SEMA3E: variants seen among roughly 807,000 people sequenced by gnomAD.
SEMA3E encodes the protein semaphorin-3E.
In SEMA3E, 49 loss-of-function variants were observed where a neutral mutation model predicts 93.6. The observed-to-expected ratio is 0.52, with a 90% CI of 0.42 to 0.66. The LOEUF (loss-of-function observed/expected upper bound fraction) is 0.66. Among genes scored for constraint, SEMA3E ranks in the 30% least tolerant of loss-of-function variants. SEMA3E has a pLI of 0.00. For missense variants in SEMA3E, 906 were observed against 964.8 expected, an observed-to-expected ratio of 0.94 and a Z score of 0.81; for synonymous variants, 363 against 330.7, an observed-to-expected ratio of 1.10 and a Z score of -1.06.
chr7:83,481,083 C>T (rs1036545069), intron 2 of SEMA3E, among the ~76,000 whole-genome samples: 2 of 151,990 alleles, frequency 1.3e-5, no homozygotes, highest in African/African-American at 2.4e-5. Flanking sequence ...CCATGAATGC[C>T]AATGGTTAGA....
chr7:83,629,119 T>C (rs1183262838), intron 1 of SEMA3E, among the ~76,000 whole-genome samples: 1 of 152,162 alleles, frequency 6.6e-6, no homozygotes, highest in Non-Finnish European at 1.5e-5. Context: ...CCTGTTTGCC[T>C]GGGTATCACC....
In SEMA3E at chr7:83,557,321, AT is replaced by A. The variant is rs368989787; in HGVS notation, c.116-67048del. 5.1e-4 allele frequency among the ~76,000 whole-genome samples: 78 copies of A among 151,584 alleles called. 3 individuals are homozygous for A. The South Asian group carries it at 0.016, about 31-fold the overall frequency. On this transcript the variant is annotated intron_variant, in intron 1 of 16. Transcript: ENST00000643230. ...ATATGAATCTATAAAAATATATAAAATAAAAATTATTACTATTATGCTTATT... is the reference window on the plus strand; with the variant it reads ...ATATGAATCTATAAAAATATATAAAAAAAAATTATTACTATTATGCTTATT...
intron 1 of SEMA3E, among the ~76,000 whole-genome samples, chr7:83,554,403 T>C (rs1488434224): frequency 6.6e-6 from 1 of 152,136 alleles, no homozygotes; most frequent in African/African-American, 2.4e-5. Flanking sequence ...CTCGTATTCC[T>C]CCAGGCCTTT....
chr7:83,504,980 T>C (rs775114570), intron 1 of SEMA3E, among the ~76,000 whole-genome samples: 18 of 152,050 alleles, frequency 1.2e-4, no homozygotes, highest in Non-Finnish European at 1.9e-4. Context: ...AATATTGACA[T>C]TTCTGGATCT....
chr7:83,482,744 G>A (rs1012434435), intron 2 of SEMA3E, among the ~76,000 whole-genome samples: 2 of 151,838 alleles, frequency 1.3e-5, no homozygotes, highest in Admixed American at 6.6e-5. Flanking sequence ...ACTGACAGCC[G>A]AACAGCCAAT....
chr7:83,565,213 C>A (rs1050454591), intron 1 of SEMA3E, among the ~76,000 whole-genome samples: 7 of 152,074 alleles, frequency 4.6e-5, no homozygotes, highest in African/African-American at 1.7e-4. Context: ...ACTATGCAGC[C>A]ATAAAAAACA....
intron 16 of SEMA3E, among the ~76,000 whole-genome samples, chr7:83,376,215 A>G (rs902363635): frequency 2.0e-5 from 3 of 152,080 alleles, no homozygotes; most frequent in Non-Finnish European, 4.4e-5. Context: ...AGTGTTGTGC[A>G]TAAAGATAAA....
At chr7:83,488,705 A>G (rs1790318798) in intron 2 of SEMA3E, among the ~76,000 whole-genome samples, 1 of 152,082 alleles carries the variant, frequency 6.6e-6, no homozygotes, top group Non-Finnish European at 1.5e-5. Flanking sequence ...TGAGAAACTG[A>G]AGTTCTATAT....
At chr7:83,575,810 T>A (rs951876647) in intron 1 of SEMA3E, among the ~76,000 whole-genome samples, 5 of 152,198 alleles carry the variant, frequency 3.3e-5, no homozygotes, top group African/African-American at 1.2e-4. Context: ...TACCAATTCA[T>A]AACTCCTTTT....
intron 4 of SEMA3E, among the ~76,000 whole-genome samples, chr7:83,466,019 C>T (rs1261833059): frequency 6.6e-6 from 1 of 152,136 alleles, no homozygotes; most frequent in Admixed American, 6.5e-5. Flanking sequence ...TTCCCTCCTC[C>T]TGCATTCCCT....
chr7:83,406,485 A>G (rs1027726851), intron 7 of SEMA3E, among the ~76,000 whole-genome samples: 1 of 151,828 alleles, frequency 6.6e-6, no homozygotes, highest in African/African-American at 2.4e-5. Flanking sequence ...TACACACACA[A>G]CACCCATACT....
intron 1 of SEMA3E, among the ~76,000 whole-genome samples, chr7:83,641,589 A>G (rs542699406): frequency 6.6e-6 from 1 of 152,340 alleles, no homozygotes; most frequent in African/African-American, 2.4e-5. Flanking sequence ...CTTAAAGTAT[A>G]AACAAAATAA....
At chr7:83,522,524 C>A in intron 1 of SEMA3E, among the ~76,000 whole-genome samples, 1 of 152,032 alleles carries the variant, frequency 6.6e-6, no homozygotes, top group Non-Finnish European at 1.5e-5. Context: ...CCTGAGATTG[C>A]ATCCTTATTT....
chr7:83,407,479 G>T (rs1788352479), intron 6 of SEMA3E, among the ~76,000 whole-genome samples: 2 of 151,970 alleles, frequency 1.3e-5, no homozygotes, highest in Non-Finnish European at 2.9e-5. Flanking sequence ...GAAAATAAAA[G>T]AATCCAGGAG....
chr7:83,579,983 C>G (rs990761302), intron 1 of SEMA3E, among the ~76,000 whole-genome samples: 3 of 151,950 alleles, frequency 2.0e-5, no homozygotes, highest in African/African-American at 7.2e-5. Flanking sequence ...TGCTTTTGCT[C>G]AGTTTAGTCA....
Position 83,382,758 on chromosome 7 carries a change from T to C in SEMA3E, c.1875+2536A>G, listed in dbSNP as rs187340817. 1.8e-4 allele frequency among the ~76,000 whole-genome samples: 27 copies of C among 151,922 alleles called. No individual in the cohort carries two copies. The East Asian group carries it at 3.7e-3, about 21-fold the overall frequency. On this transcript the variant is annotated intron_variant, in intron 16 of 16. Coordinates refer to ENST00000643230, the MANE Select transcript of SEMA3E (RefSeq NM_012431.3). The stretch of plus-strand genomic sequence containing the variant: ...AAAGTTGGCTTTCAATAAATACTTA[T>C]AAATAAAATATATAGAGATTATGTT...
chr7:83,628,879 AT>A (rs1056581044), intron 1 of SEMA3E, among the ~76,000 whole-genome samples: 4 of 151,664 alleles, frequency 2.6e-5, no homozygotes, highest in African/African-American at 7.3e-5. Context: ...AGTTTTTGGA[AT>A]TTTCAGCTTT....
intron 2 of SEMA3E, among the ~76,000 whole-genome samples, chr7:83,473,290 G>C (rs1562797782): frequency 6.6e-6 from 1 of 152,136 alleles, no homozygotes; most frequent in Admixed American, 6.5e-5. Context: ...GAAGGATTCA[G>C]GTACAGCCTT....
chr7:83,383,149 A>G (rs542350023), intron 16 of SEMA3E, among the ~76,000 whole-genome samples: 1 of 152,002 alleles, frequency 6.6e-6, no homozygotes, highest in African/African-American at 2.4e-5. Context: ...GGTACTCTAT[A>G]AAGCACTTAC....
Sources: gnomAD v4.1 joint callset for allele counts (sites outside exome capture counted in the v4.1 genomes callset) on GRCh38, gnomAD v4.1.1 for gene constraint, MANE v1.5 for transcripts, NCBI Gene and HGNC (gene_info 2026-07-23, HGNC 2026-07-21) for gene names.